Variants in PLCB1 observed in about 807,000 individuals in gnomAD.
PLCB1 encodes phospholipase C beta 1, also known as 1-phosphatidylinositol 4,5-bisphosphate phosphodiesterase beta-1.
A neutral mutation model predicts 161.8 loss-of-function variants in PLCB1; 46 were observed. The observed-to-expected ratio is 0.28, with a 90% CI of 0.22 to 0.36. The LOEUF is 0.36. Among genes scored for constraint, PLCB1 ranks in the 10% least tolerant of loss-of-function variants. PLCB1 has a pLI of 1.00. For missense variants in PLCB1, 1,016 were observed against 1,472.5 expected (o/e 0.69, Z 5.07); for synonymous variants, 517 against 503.7 (o/e 1.03, Z -0.35).
chr20:8,451,997 C>A (rs1004795967), intron 3 of PLCB1, among the ~76,000 whole-genome samples: 11 of 152,048 alleles, frequency 7.2e-5, no homozygotes, highest in African/African-American at 2.7e-4. Context: ...TTGTCTGTAA[C>A]CCAGTTAGGG....
chr20:8,162,565 A>C (rs1298687083), intron 2 of PLCB1, among the ~76,000 whole-genome samples: 1 of 152,226 alleles, frequency 6.6e-6, no homozygotes, highest in East Asian at 1.9e-4. Context: ...AGTAAAATTC[A>C]CATTTCTCCT....
chr20:8,619,719 T>A (rs1359724293), intron 3 of PLCB1, among the ~76,000 whole-genome samples: 1 of 152,106 alleles, frequency 6.6e-6, no homozygotes, highest in African/African-American at 2.4e-5. Context: ...AAATGACTTG[T>A]CCTTTAGCAC....
intron 31 of PLCB1, among the ~76,000 whole-genome samples, chr20:8,869,351 C>G (rs985354453): frequency 2.0e-5 from 3 of 152,296 alleles, no homozygotes; most frequent in Middle Eastern, 3.4e-3. Flanking sequence ...TAGAAAACTT[C>G]TAGGCCTTAA....
At chr20:8,429,508 A>G (rs1600394659) in intron 3 of PLCB1, among the ~76,000 whole-genome samples, 1 of 151,286 alleles carries the variant, frequency 6.6e-6, no homozygotes, top group Non-Finnish European at 1.5e-5. Flanking sequence ...ATAGAACATA[A>G]TAGAGTCAAG....
intron 2 of PLCB1, among the ~76,000 whole-genome samples, chr20:8,151,680 T>C (rs2051509982): frequency 6.6e-6 from 1 of 152,124 alleles, no homozygotes; most frequent in Non-Finnish European, 1.5e-5. Context: ...TTTTTGGGTG[T>C]TTTTTTCTTC....
intron 3 of PLCB1, among the ~76,000 whole-genome samples, chr20:8,411,335 T>A (rs1030092500): frequency 6.6e-6 from 1 of 152,254 alleles, no homozygotes; most frequent in African/African-American, 2.4e-5. Flanking sequence ...CATCTTAGTG[T>A]TAAAATTAAT....
At chr20:8,767,564 C>G (rs1323550608) in intron 26 of PLCB1, among the ~76,000 whole-genome samples, 1 of 152,134 alleles carries the variant, frequency 6.6e-6, no homozygotes, top group African/African-American at 2.4e-5. Context: ...CCTCTAAACT[C>G]CAACAAAGAC....
chr20:8,456,626 CAA>C (rs888323670), intron 3 of PLCB1, among the ~76,000 whole-genome samples: 42 of 152,124 alleles, frequency 2.8e-4, no homozygotes, highest in African/African-American at 1.0e-3. Flanking sequence ...AAAAAGGAAA[CAA>C]AAATCATTTT....
intron 3 of PLCB1, among the ~76,000 whole-genome samples, chr20:8,516,221 A>C (rs1403308507): frequency 6.6e-6 from 1 of 152,152 alleles, no homozygotes; most frequent in Admixed American, 6.5e-5. Flanking sequence ...ATCATCTCAC[A>C]TGTCCCCTCT....
intron 2 of PLCB1, among the ~76,000 whole-genome samples, chr20:8,191,877 G>A (rs1437293164): frequency 1.3e-5 from 2 of 151,866 alleles, no homozygotes; most frequent in Non-Finnish European, 2.9e-5. Flanking sequence ...ATGATTACTG[G>A]CACTTACTCA....
intron 29 of PLCB1, 116 bp from the exon 30 acceptor site, chr20:8,789,402 A>T (rs1983643536): frequency 1.3e-6 from 1 of 749,202 alleles, no homozygotes; most frequent in Admixed American, 2.1e-5. Flanking sequence ...GATAAAAATA[A>T]GGAAAAAAGA....
At chr20:8,874,255 C>CAT (rs1555796778) in intron 31 of PLCB1, among the ~76,000 whole-genome samples, 3 of 69,114 alleles carry the variant, frequency 4.3e-5, no homozygotes, top group African/African-American at 1.8e-4. Flanking sequence ...CACACACACA[C>CAT]GCACAACAGA....
intron 2 of PLCB1, chr20:8,305,626 T>C (rs2123327444): frequency 6.6e-6 from 1 of 152,308 alleles, no homozygotes; most frequent in Admixed American, 6.5e-5. Flanking sequence ...TAGTCGCGAC[T>C]AGCGCCCTCT....
chr20:8,444,126 G>C (rs984658547), intron 3 of PLCB1, among the ~76,000 whole-genome samples: 3 of 151,930 alleles, frequency 2.0e-5, no homozygotes, highest in Non-Finnish European at 4.4e-5. Context: ...TGCCATGTTG[G>C]TGTGCTGCAC....
intron 9 of PLCB1, among the ~76,000 whole-genome samples, chr20:8,671,941 G>A (rs931823556): frequency 1.3e-5 from 2 of 152,202 alleles, no homozygotes; most frequent in Non-Finnish European, 2.9e-5. Context: ...TAATTTAAAA[G>A]TACGTCTCTC....
chr20:8,349,496 T>G (rs1221761179), intron 2 of PLCB1, among the ~76,000 whole-genome samples: 2 of 152,142 alleles, frequency 1.3e-5, no homozygotes, highest in African/African-American at 2.4e-5. Context: ...CTATGAAGAG[T>G]CCTTACAGTT....
intron 3 of PLCB1, among the ~76,000 whole-genome samples, chr20:8,440,810 C>T (rs1363883110): frequency 1.3e-5 from 2 of 151,754 alleles, no homozygotes; most frequent in Non-Finnish European, 2.9e-5. Flanking sequence ...ATGTTCCCCA[C>T]ACAAAGAAAT....
chr20:8,567,720 C>A (rs1199364725), intron 3 of PLCB1, among the ~76,000 whole-genome samples: 2 of 152,044 alleles, frequency 1.3e-5, no homozygotes, highest in Admixed American at 6.6e-5. Context: ...GGCAACATAG[C>A]AAGACTCCAA....
intron 3 of PLCB1, among the ~76,000 whole-genome samples, chr20:8,541,604 GA>G (rs1340189786): frequency 1.5e-4 from 23 of 149,510 alleles, no homozygotes; most frequent in South Asian, 1.5e-3. Flanking sequence ...AAGAAAGAAA[GA>G]AAGGAAGGAA....
Sources: gnomAD v4.1 joint callset for allele counts (sites outside exome capture counted in the v4.1 genomes callset) on GRCh38, gnomAD v4.1.1 for gene constraint, MANE v1.5 for transcripts, NCBI Gene and HGNC (gene_info 2026-07-23, HGNC 2026-07-21) for gene names.